F13A1: variants seen among roughly 807,000 people sequenced by gnomAD.
F13A1 encodes coagulation factor XIII A chain.
Under a neutral mutation model 80.1 loss-of-function variants are expected in F13A1, and 47 were observed. The ratio of observed to expected loss-of-function variants is 0.59; its 90% CI spans 0.46 to 0.75. F13A1 has a LOEUF of 0.75. F13A1 is among the 30% of genes least tolerant of loss of function. F13A1 has a pLI of 0.00. For synonymous variants in F13A1, 349 were observed against 344.9 expected, an observed-to-expected ratio of 1.01 and a Z score of -0.13; for missense variants, 817 against 930.4, an observed-to-expected ratio of 0.88 and a Z score of 1.59.
chr6:6,230,833 A>C (rs1254943079), intron 6 of F13A1, among the ~76,000 whole-genome samples: 1 of 152,176 alleles, frequency 6.6e-6, no homozygotes, highest in East Asian at 1.9e-4. Flanking sequence ...GTAGACCCAG[A>C]AGAGAGACAA....
At chr6:6,185,328 C>T (rs991989190) in intron 10 of F13A1, among the ~76,000 whole-genome samples, 2 of 142,646 alleles carry the variant, frequency 1.4e-5, no homozygotes, top group African/African-American at 5.2e-5. Context: ...ATTCCCCTTC[C>T]TGTGTCCATG....
chr6:6,157,491 G>A (rs1561637539), intron 13 of F13A1, among the ~76,000 whole-genome samples: 1 of 151,720 alleles, frequency 6.6e-6, no homozygotes, highest in African/African-American at 2.4e-5. Context: ...AGAATCATTT[G>A]CAGCATCACC....
rs73720326 is a variant in F13A1 at position 6,175,756 on chromosome 6, G to T, written c.1460-889C>A. Among the ~76,000 whole-genome samples the T allele has an allele frequency of 6.3e-3, 959 of 152,346 alleles. 13 individuals are homozygous for T. The highest frequency in any genetic ancestry group is 0.022 in the African/African-American group (920 of 41,574). On this transcript the variant is annotated intron_variant, in intron 11 of 14. Coordinates refer to ENST00000264870, the MANE Select transcript of F13A1 (RefSeq NM_000129.4). ...TGTTGACAGGCGGTGGTGCACCTAA[G>T]TTCTAATGCAGTTCGAGGTGTGTGT...
At position 6,205,009 on chromosome 6, in the gene F13A1, G is replaced by A. The variant is rs1761460791; in HGVS notation, c.1113-7683C>T. 4.6e-5 allele frequency among the ~76,000 whole-genome samples: 7 copies of A among 152,376 alleles called. No homozygotes were observed. The South Asian group carries it at 1.4e-3, about 32-fold the overall frequency. Reference sequence around the variant, plus strand: ...CACCTGGGGAAGCCCTGGGTAGCCAGTCATGAATGGCCTCATTTGCATAGC... The same window carrying A: ...CACCTGGGGAAGCCCTGGGTAGCCAATCATGAATGGCCTCATTTGCATAGC... On this transcript the variant is annotated intron_variant, in intron 8 of 14. Transcript: ENST00000264870.
At chr6:6,239,721 A>AGAG (rs376731993) in intron 6 of F13A1, among the ~76,000 whole-genome samples, 1 of 151,716 alleles carries the variant, frequency 6.6e-6, no homozygotes, top group African/African-American at 2.4e-5. Context: ...ACTGAGAGAG[A>AGAG]AAACTGAGAT....
At chr6:6,294,991 G>A (rs11243072) in intron 3 of F13A1, among the ~76,000 whole-genome samples, 45,166 of 141,440 alleles carry the variant, frequency 0.32, 9,495 homozygotes, top group African/African-American at 0.61. Context: ...GAGAATATGC[G>A]GTGTTTGGTT....
At chr6:6,315,702 T>G (rs1396512456) in intron 2 of F13A1, among the ~76,000 whole-genome samples, 1 of 152,054 alleles carries the variant, frequency 6.6e-6, no homozygotes, top group African/African-American at 2.4e-5. Context: ...TCTGCATTTC[T>G]CAGTCAGTAT....
intron 10 of F13A1, among the ~76,000 whole-genome samples, chr6:6,184,026 G>C (rs568503060): frequency 2.0e-5 from 3 of 152,300 alleles, no homozygotes; most frequent in African/African-American, 7.2e-5. Context: ...AGGTTAAAGA[G>C]AGCAATTTTA....
chr6:6,318,486 C>A, intron 2 of F13A1, 49 bp downstream of exon 2: 1 of 1,579,744 alleles, frequency 6.3e-7, no homozygotes. Flanking sequence ...GGGCCAGGGC[C>A]CGGCTGTGCC....
chr6:6,177,677 G>A (rs191705972), intron 11 of F13A1, among the ~76,000 whole-genome samples: 23 of 152,326 alleles, frequency 1.5e-4, no homozygotes, highest in Admixed American at 1.5e-3. Flanking sequence ...ACCCCATAAT[G>A]TTCCAAACAC....
chr6:6,146,916 C>A (rs1392149911), intron 14 of F13A1, among the ~76,000 whole-genome samples: 1 of 152,140 alleles, frequency 6.6e-6, no homozygotes, highest in Non-Finnish European at 1.5e-5. Flanking sequence ...CCCAAATGCC[C>A]ATCAATGAGT....
intron 6 of F13A1, among the ~76,000 whole-genome samples, chr6:6,234,710 T>A (rs193123573): frequency 3.9e-5 from 6 of 152,182 alleles, no homozygotes; most frequent in South Asian, 2.1e-4. Context: ...AATTACTTTA[T>A]TCTTTTAATG....
intron 6 of F13A1, among the ~76,000 whole-genome samples, chr6:6,226,718 C>A (rs1742928): frequency 0.58 from 88,636 of 152,098 alleles, 26,985 homozygotes; most frequent in South Asian, 0.67. Flanking sequence ...ACTGGATGCT[C>A]TGTAGTTGTT....
intron 10 of F13A1, among the ~76,000 whole-genome samples, chr6:6,185,245 G>A (rs1189696786): frequency 6.7e-6 from 1 of 150,014 alleles, no homozygotes; most frequent in African/African-American, 2.5e-5. Context: ...TCGTCATCTA[G>A]CATTAGGTAT....
intron 7 of F13A1, 32 bp from the exon 8 acceptor site, chr6:6,222,203 A>T (rs1192705133): frequency 6.2e-7 from 1 of 1,613,392 alleles, no homozygotes; most frequent in Non-Finnish European, 8.5e-7. Context: ...AGCTAAACAC[A>T]TCACCAGCAT....
Position 6,266,653 on chromosome 6 carries a change from C to A in F13A1, c.476G>T (p.Arg159Leu), listed in dbSNP as rs747218826. Residue 159 changes from arginine (R) to leucine (L), a missense_variant, in exon 4 of 15, where the codon CGC becomes CTC. Physicochemically the swap from Arg to Leu is moderately radical, Grantham distance 102 (BLOSUM62 -2). Transcript: ENST00000264870. ...GGGAGTCCAGACAGCAACATACATG[C>A]GGAATTTCCCCACAATACATTTGGG... is the stretch of plus-strand genomic sequence containing the variant. Reference protein sequence around the residue: ...SSPKCIVGKFRMYVAVWTPYG... With the variant: ...SSPKCIVGKFLMYVAVWTPYG... 1.2e-6 allele frequency: 2 copies of A among 1,614,090 alleles called. No individual in the cohort carries two copies. The highest frequency in any genetic ancestry group is 1.3e-5 in the African/African-American group (1 of 74,924).
intron 11 of F13A1, among the ~76,000 whole-genome samples, chr6:6,175,851 GA>G (rs1430602027): frequency 6.6e-6 from 1 of 152,252 alleles, no homozygotes; most frequent in Non-Finnish European, 1.5e-5. Context: ...GGAGGAAAAA[GA>G]GGAGGGTAAC....
chr6:6,266,475 G>A (rs1757845663), intron 4 of F13A1, 83 bp downstream of exon 4: 3 of 1,600,396 alleles, frequency 1.9e-6, no homozygotes, highest in Non-Finnish European at 2.6e-6. Context: ...GCCTCCCAAA[G>A]AGCTGGGAGT....
chr6:6,265,712 C>T (rs1438873464), intron 4 of F13A1, among the ~76,000 whole-genome samples: 3 of 152,224 alleles, frequency 2.0e-5, no homozygotes, highest in Admixed American at 1.3e-4. Context: ...TTTGCACCCA[C>T]TATGCACATA....
Sources: allele counts gnomAD v4.1 joint callset (sites outside exome capture counted in the v4.1 genomes callset), GRCh38; gene constraint gnomAD v4.1.1; transcripts MANE v1.5; gene names NCBI Gene and HGNC (gene_info 2026-07-23, HGNC 2026-07-21).